SCAI: variants seen among roughly 807,000 people sequenced by gnomAD.
The protein encoded by SCAI is protein SCAI.
A neutral mutation model predicts 92.2 loss-of-function variants in SCAI; 24 were observed. That is an observed-to-expected ratio of 0.26 (90% CI 0.19 to 0.37). The LOEUF (loss-of-function observed/expected upper bound fraction) is 0.37. SCAI is among the 10% of genes least tolerant of loss of function. SCAI has a pLI of 1.00. For synonymous variants in SCAI, 261 were observed against 258.6 expected (o/e 1.01, Z -0.09); for missense variants, 450 against 736.2 (o/e 0.61, Z 4.50).
rs185063525 is a variant in SCAI at position 124,985,243 on chromosome 9, T to C, written c.1327-9057A>G. Among the ~76,000 whole-genome samples the C allele has an allele frequency of 3.1e-3, 468 of 152,308 alleles. 6 individuals are homozygous for C. Among genetic ancestry groups the C allele is most frequent in the South Asian group, 0.014 (66 of 4,828 alleles). On this transcript the variant is annotated intron_variant, in intron 14 of 17. Coordinates refer to ENST00000336505, the MANE Select transcript of SCAI (RefSeq NM_001144877.3). ...CTTCCATGATCACTCCACATGGGAC[T>C]GCAAAACATTTTTTCTTGATGCTGA...
At chr9:124,988,246 C>A (rs1017829014) in intron 14 of SCAI, among the ~76,000 whole-genome samples, 2 of 152,016 alleles carry the variant, frequency 1.3e-5, no homozygotes, top group East Asian at 3.9e-4. Context: ...TCAGTTGGAA[C>A]CAGTCCCAGA....
chr9:124,997,614 G>A (rs1028473742), intron 13 of SCAI, among the ~76,000 whole-genome samples: 2 of 152,116 alleles, frequency 1.3e-5, no homozygotes, highest in African/African-American at 4.8e-5. Flanking sequence ...GGTGGCTCAC[G>A]CCTGTAATCC....
intron 3 of SCAI, among the ~76,000 whole-genome samples, chr9:125,051,738 TA>T (rs1486815810): frequency 6.6e-6 from 1 of 152,156 alleles, no homozygotes; most frequent in Admixed American, 6.5e-5. Flanking sequence ...ATTTAAAAAA[TA>T]ACATAAAACT....
At chr9:125,084,201 C>A (rs1455633483) in intron 2 of SCAI, among the ~76,000 whole-genome samples, 1 of 100,008 alleles carries the variant, frequency 1.0e-5, no homozygotes, top group Non-Finnish European at 1.8e-5. Flanking sequence ...GATGGAGTCT[C>A]GCTCTTTTGC....
intron 3 of SCAI, among the ~76,000 whole-genome samples, chr9:125,043,362 C>A (rs955921779): frequency 6.6e-6 from 1 of 152,220 alleles, no homozygotes; most frequent in South Asian, 2.1e-4. Flanking sequence ...CATGTGTATA[C>A]GAGACCAAAC....
chr9:124,966,517 A>C (rs926082210), intron 17 of SCAI, among the ~76,000 whole-genome samples: 4 of 152,116 alleles, frequency 2.6e-5, no homozygotes, highest in African/African-American at 9.7e-5. Context: ...TGTGTGCATA[A>C]ATTTTAATCA....
At chr9:125,013,395 T>C (rs1014263717) in intron 9 of SCAI, among the ~76,000 whole-genome samples, 3 of 152,054 alleles carry the variant, frequency 2.0e-5, no homozygotes, top group Admixed American at 6.6e-5. Context: ...GAGAATACTA[T>C]ATACACCTCT....
chr9:124,997,312 G>A (rs186021425), intron 13 of SCAI, among the ~76,000 whole-genome samples: 19 of 152,264 alleles, frequency 1.2e-4, no homozygotes, highest in African/African-American at 4.1e-4. Flanking sequence ...CAGGCAATGT[G>A]TATGAGTTGT....
rs776977301 is a variant in SCAI at position 125,002,044 on chromosome 9, CTGAAA to C, written c.1066-6_1066-2del. 1 of 1,610,218 alleles carries C rather than the reference CTGAAA, an allele frequency of 6.2e-7. No individual in the cohort carries two copies. The highest frequency in any genetic ancestry group is 1.7e-5 in the Admixed American group (1 of 60,000). On this transcript the variant is annotated splice_acceptor_variant and splice_polypyrimidine_tract_variant and intron_variant, in intron 11 of 17. Transcript: ENST00000336505. LOFTEE classifies it high-confidence loss of function. ...GAAGCACGCTATTGGCAGGCAGCTC[CTGAAA>C]TGAAAGAAAATCACATACACAAAAC... is the stretch of plus-strand genomic sequence containing the variant.
At position 124,999,995 on chromosome 9, in the gene SCAI, A is replaced by G. The variant is rs1240672579; in HGVS notation, c.1145-5T>C. On this transcript the variant is annotated splice_region_variant and splice_polypyrimidine_tract_variant and intron_variant, in intron 12 of 17. Transcript: ENST00000336505. ...CACCTCCAAAATCATAAGGACCTAT[A>G]AAAACAAAGGGAAGAATCCTAGACT... 1.4e-6 allele frequency: 2 copies of G among 1,422,800 alleles called. No homozygotes were observed. The highest frequency in any genetic ancestry group is 4.0e-5 in the Admixed American group (2 of 50,052). The allele number at this position is 1,422,800 out of a possible 1,614,324, so 88.1% of individuals were successfully genotyped here.
At chr9:124,961,575 A>G (rs996098206) in intron 17 of SCAI, among the ~76,000 whole-genome samples, 1 of 150,804 alleles carries the variant, frequency 6.6e-6, no homozygotes, top group East Asian at 2.0e-4. Flanking sequence ...GCTTGAACCC[A>G]GGAGGCAGAA....
At chr9:125,031,016 T>C (rs540426869) in intron 3 of SCAI, among the ~76,000 whole-genome samples, 3 of 152,280 alleles carry the variant, frequency 2.0e-5, no homozygotes, top group African/African-American at 7.2e-5. Flanking sequence ...AACTTCTTCA[T>C]TAAAGTCTGT....
At chr9:125,113,112 A>G (rs1564418682) in intron 2 of SCAI, among the ~76,000 whole-genome samples, 1 of 152,226 alleles carries the variant, frequency 6.6e-6, no homozygotes, top group Non-Finnish European at 1.5e-5. Flanking sequence ...GCACTGTGCA[A>G]TGACTTCCTT....
intron 2 of SCAI, among the ~76,000 whole-genome samples, chr9:125,078,814 G>A (rs2131176760): frequency 6.6e-6 from 1 of 152,244 alleles, no homozygotes; most frequent in Admixed American, 6.5e-5. Context: ...AGGAATCTGA[G>A]GCAAGAGGAT....
intron 2 of SCAI, among the ~76,000 whole-genome samples, chr9:125,105,273 G>A (rs892745113): frequency 2.0e-5 from 3 of 152,136 alleles, no homozygotes; most frequent in African/African-American, 7.2e-5. Context: ...TCCAGCCTGG[G>A]TGACAGAGTG....
intron 3 of SCAI, among the ~76,000 whole-genome samples, chr9:125,042,634 T>TGTGTGTGTGTGTCC (rs761672178): frequency 1.0e-5 from 1 of 96,216 alleles, no homozygotes; most frequent in Non-Finnish European, 2.0e-5. Context: ...TGTGTGTGTG[T>TGTGTGTGTGTGTCC]ACACACACAC....
intron 14 of SCAI, among the ~76,000 whole-genome samples, chr9:124,989,047 G>A (rs1438954087): frequency 1.3e-5 from 2 of 152,152 alleles, no homozygotes; most frequent in South Asian, 2.1e-4. Flanking sequence ...GCTGAGGCAG[G>A]AGAATCTCCT....
chr9:125,055,786 C>A, intron 3 of SCAI, 90 bp downstream of exon 3: 2 of 944,762 alleles, frequency 2.1e-6, no homozygotes, highest in Non-Finnish European at 1.6e-6. Flanking sequence ...GACATTCTAC[C>A]CATAATTTTC....
chr9:125,055,836 A>G, intron 3 of SCAI, 40 bp downstream of exon 3: 1 of 1,540,260 alleles, frequency 6.5e-7, no homozygotes, highest in Non-Finnish European at 8.7e-7. Context: ...AAACAAATGC[A>G]GAACTAAAGA....
Sources: gnomAD v4.1 joint callset for allele counts (sites outside exome capture counted in the v4.1 genomes callset) on GRCh38, gnomAD v4.1.1 for gene constraint, MANE v1.5 for transcripts, NCBI Gene and HGNC (gene_info 2026-07-23, HGNC 2026-07-21) for gene names.